Variants in SGCD observed in about 807,000 individuals in gnomAD.
SGCD encodes the protein sarcoglycan delta.
A neutral mutation model predicts 36.6 loss-of-function variants in SGCD; 18 were observed. The ratio of observed to expected loss-of-function variants is 0.49; its 90% confidence interval spans 0.34 to 0.73. The LOEUF (loss-of-function observed/expected upper bound fraction) is 0.73, where lower values mean the gene tolerates loss of function less well. Ranked by LOEUF, SGCD falls within the 30% of genes least tolerant of loss-of-function variation. SGCD has a pLI of 0.01. For missense variants in SGCD, 387 were observed against 346.7 expected (o/e 1.12, Z -0.92); for synonymous variants, 133 against 130.6 (o/e 1.02, Z -0.12).
chr5:156,122,081 C>T lies in SGCD; in HGVS notation c.-207-1775C>T, dbSNP rs554689679. On this transcript the variant is annotated intron_variant, in intron 2 of 9. Coordinates refer to the SGCD transcript ENST00000517913. ...CCTAAGCCCAACACTAGAAGACATT[C>T]ATCTAGTCAGTATTCCATAGTTGTC... Among the ~76,000 whole-genome samples, 19 of 152,256 alleles carry T rather than the reference C, an allele frequency of 1.2e-4. 1 individual carries two copies. The South Asian group carries it at 3.5e-3, about 28-fold the overall frequency.
chr5:156,232,742 T>C (rs1765050939), intron 3 of SGCD, among the ~76,000 whole-genome samples: 1 of 152,228 alleles, frequency 6.6e-6, no homozygotes, highest in Non-Finnish European at 1.5e-5. Context: ...ATCACATTTA[T>C]GTTAGGCAGT....
intron 3 of SGCD, among the ~76,000 whole-genome samples, chr5:156,290,419 G>T (rs1381828032): frequency 6.6e-6 from 1 of 152,140 alleles, no homozygotes; most frequent in Non-Finnish European, 1.5e-5. Flanking sequence ...AAGGAAGATT[G>T]CTCAAGAATC....
chr5:156,361,077 G>T (rs908393840), intron 3 of SGCD, among the ~76,000 whole-genome samples: 1 of 152,136 alleles, frequency 6.6e-6, no homozygotes, highest in Non-Finnish European at 1.5e-5. Context: ...CGGGGTCATG[G>T]GCACCCTAAC....
Position 156,594,957 on chromosome 5 carries a change from T to TA in SGCD, c.414dup (p.Phe139IlefsTer2). 6.2e-7 allele frequency: 1 copy of TA among 1,610,968 alleles called. No homozygotes were observed. Among genetic ancestry groups the TA allele is most frequent in the Non-Finnish European group, 8.5e-7 (1 of 1,178,020 alleles). On this transcript the variant is annotated frameshift_variant, in exon 6 of 9. Transcript: ENST00000337851. LOFTEE classifies it high-confidence loss of function. ...GTCCAAAAGCCGTAGAAGCTTATGG[T>TA]AAAAAATTTGAGGTAAAAACTGTTT...
At chr5:156,188,086 C>T (rs1277552219) in intron 3 of SGCD, among the ~76,000 whole-genome samples, 1 of 152,174 alleles carries the variant, frequency 6.6e-6, no homozygotes, top group Non-Finnish European at 1.5e-5. Flanking sequence ...TGTTTCCTTA[C>T]ATTTTATGCC....
chr5:156,442,507 T>A (rs1422057830), intron 3 of SGCD, among the ~76,000 whole-genome samples: 1 of 152,260 alleles, frequency 6.6e-6, no homozygotes, highest in Non-Finnish European at 1.5e-5. Context: ...TACTGCAGCA[T>A]GAAATTCAAA....
chr5:156,367,297 G>A (rs149584849), intron 3 of SGCD, among the ~76,000 whole-genome samples: 2 of 152,342 alleles, frequency 1.3e-5, no homozygotes, highest in African/African-American at 4.8e-5. Context: ...TCTGCAAAAT[G>A]ATGTGTATTA....
intron 1 of SGCD, among the ~76,000 whole-genome samples, chr5:156,070,636 C>T (rs1269943493): frequency 6.6e-6 from 1 of 152,096 alleles, no homozygotes; most frequent in Non-Finnish European, 1.5e-5. Context: ...CAGGATGATG[C>T]TGGCCTCATA....
chr5:155,862,500 A>G, the SGCD span, among the ~76,000 whole-genome samples: 113 of 151,984 alleles, frequency 7.4e-4, 4 homozygotes, highest in East Asian at 0.02. Flanking sequence ...CTAGTTTTTT[A>G]TTTTATTTTA....
chr5:156,224,466 A>G (rs1764797933), intron 3 of SGCD, among the ~76,000 whole-genome samples: 1 of 152,150 alleles, frequency 6.6e-6, no homozygotes, highest in African/African-American at 2.4e-5. Context: ...GTAGTGCTTC[A>G]ATCTATCGTT....
chr5:156,482,719 A>G (rs2127840641), intron 3 of SGCD, among the ~76,000 whole-genome samples: 1 of 152,260 alleles, frequency 6.6e-6, no homozygotes. Flanking sequence ...TAACATTTAT[A>G]AAACACTTTT....
intron 7 of SGCD, among the ~76,000 whole-genome samples, chr5:156,701,774 A>G (rs909963943): frequency 6.6e-6 from 1 of 152,212 alleles, no homozygotes; most frequent in Admixed American, 6.5e-5. Context: ...AGTACCCTTT[A>G]AGATTTGAGA....
intron 3 of SGCD, among the ~76,000 whole-genome samples, chr5:156,216,373 A>G (rs1711801962): frequency 6.6e-6 from 1 of 152,232 alleles, no homozygotes; most frequent in African/African-American, 2.4e-5. Flanking sequence ...TAATTTGCTC[A>G]ATTTAGCCAT....
At chr5:156,043,249 C>G (rs1759682415) in intron 1 of SGCD, among the ~76,000 whole-genome samples, 1 of 152,174 alleles carries the variant, frequency 6.6e-6, no homozygotes, top group South Asian at 2.1e-4. Context: ...GAGCATGGAA[C>G]AGAGCCACCT....
chr5:156,378,115 T>C (rs1010605424), intron 3 of SGCD, among the ~76,000 whole-genome samples: 3 of 152,172 alleles, frequency 2.0e-5, no homozygotes, highest in African/African-American at 7.2e-5. Context: ...CATTGACAGA[T>C]GAATGGATAA....
chr5:155,932,232 T>C (rs1349229121), intron 1 of SGCD, among the ~76,000 whole-genome samples: 2 of 152,240 alleles, frequency 1.3e-5, no homozygotes, highest in Non-Finnish European at 2.9e-5. Context: ...ACTCTTTTAC[T>C]GTAGCACTTT....
At chr5:156,491,554 T>G (rs1755938191) in intron 3 of SGCD, among the ~76,000 whole-genome samples, 1 of 152,098 alleles carries the variant, frequency 6.6e-6, no homozygotes, top group African/African-American at 2.4e-5. Context: ...AGCCAACAGA[T>G]TTTCAAAATA....
intron 6 of SGCD, among the ~76,000 whole-genome samples, chr5:156,622,439 A>AATAATAATG (rs1554123316): frequency 8.0e-5 from 2 of 25,040 alleles, no homozygotes; most frequent in Admixed American, 9.3e-4. Context: ...TCTAAAAAAT[A>AATAATAATG]ATAATAATAA....
chr5:155,728,409 C>T, the SGCD span, among the ~76,000 whole-genome samples: 2 of 152,192 alleles, frequency 1.3e-5, no homozygotes, highest in African/African-American at 4.8e-5. Context: ...CCAGGCGAGC[C>T]TGGCGAGCCG....
Sources: gnomAD v4.1 joint callset for allele counts (sites outside exome capture counted in the v4.1 genomes callset) on GRCh38, gnomAD v4.1.1 for gene constraint, MANE v1.5 for transcripts, NCBI Gene and HGNC (gene_info 2026-07-23, HGNC 2026-07-21) for gene names.